The following NF1 variants were observed in gnomAD, a reference collection of about 807,000 sequenced individuals.
The protein encoded by NF1 is neurofibromin.
NF1 carries 122 observed loss-of-function variants against 325.7 expected under a neutral mutation model. The observed-to-expected ratio is 0.37, with a 90% CI of 0.32 to 0.44. The LOEUF (loss-of-function observed/expected upper bound fraction) is 0.44, where lower values mean the gene tolerates loss of function less well. NF1 is among the 20% of genes least tolerant of loss of function. NF1 has a pLI of 1.00. For missense variants in NF1, 2,140 were observed against 3,415.4 expected, an observed-to-expected ratio of 0.63 and a Z score of 9.31; for synonymous variants, 1,091 against 1,186.0, an observed-to-expected ratio of 0.92 and a Z score of 1.65.
In NF1 at chr17:31,374,110, A is replaced by C; in HGVS notation, c.8475A>C (p.Arg2825Ser). ...HGSASQVQKQ[R>S]SAGSFKRNSI... ...CCGCAAGCCAAGTGCAGAAGCAAAG[A>C]AGCGCTGGCAGTTTCAAACGTAATA... The change falls in exon 58 of 58, where the codon AGA (arginine) becomes AGC (serine). Residue 2825 changes from arginine (R) to serine (S), a missense_variant. By Grantham distance (110) the Arg-to-Ser change is moderately radical. Transcript: ENST00000358273. 6.2e-7 allele frequency: 1 copy of C among 1,614,104 alleles called. No individual in the cohort carries two copies.
intron 36 of NF1, chr17:31,314,331 T>G (rs956974465): frequency 1.4e-5 from 3 of 220,060 alleles, no homozygotes; most frequent in Non-Finnish European, 2.6e-5. Flanking sequence ...GAAAATTACA[T>G]GTTCTAAGAA....
intron 36 of NF1, among the ~76,000 whole-genome samples, chr17:31,283,974 CTT>C (rs1447006096): frequency 6.6e-6 from 1 of 152,210 alleles, no homozygotes; most frequent in African/African-American, 2.4e-5. Flanking sequence ...TAAAGCAAGT[CTT>C]TGCCTTGTAC....
chr17:31,364,229 C>T (rs760920182), intron 57 of NF1, among the ~76,000 whole-genome samples: 3 of 152,160 alleles, frequency 2.0e-5, no homozygotes, highest in African/African-American at 4.8e-5. Flanking sequence ...TGTCATTCCC[C>T]GATATGGAGC....
intron 40 of NF1, 68 bp downstream of exon 40, chr17:31,335,099 G>C: frequency 7.4e-7 from 1 of 1,343,248 alleles, no homozygotes; most frequent in Non-Finnish European, 1.1e-6. Context: ...TGCCACATTG[G>C]GCAAAGCACT....
chr17:31,116,691 G>A (rs890952364), intron 1 of NF1, among the ~76,000 whole-genome samples: 1 of 151,662 alleles, frequency 6.6e-6, no homozygotes, highest in Non-Finnish European at 1.5e-5. Flanking sequence ...TTTTCGAGAC[G>A]GAGTCTTGCC....
chr17:31,187,057 T>G (rs1168639852), intron 8 of NF1, among the ~76,000 whole-genome samples: 1 of 152,216 alleles, frequency 6.6e-6, no homozygotes, highest in Non-Finnish European at 1.5e-5. Context: ...TATGCAATGC[T>G]TCTGCCAAGA....
At chr17:31,212,019 T>C (rs1437436081) in intron 12 of NF1, among the ~76,000 whole-genome samples, 1 of 152,172 alleles carries the variant, frequency 6.6e-6, no homozygotes, top group Admixed American at 6.5e-5. Context: ...TTTTAAAATA[T>C]AAACTTTTAA....
intron 25 of NF1, among the ~76,000 whole-genome samples, chr17:31,232,431 C>T (rs2067128808): frequency 6.6e-6 from 1 of 151,992 alleles, no homozygotes; most frequent in South Asian, 2.1e-4. Flanking sequence ...ATTTTATATA[C>T]TAACATTAAA....
At chr17:31,282,631 T>G (rs539351075) in intron 36 of NF1, among the ~76,000 whole-genome samples, 10 of 152,312 alleles carry the variant, frequency 6.6e-5, no homozygotes, top group South Asian at 2.1e-4. Context: ...TGTGACTGCC[T>G]TCTTTTACTT....
intron 33 of NF1, 28 bp from the exon 34 acceptor site, chr17:31,260,341 A>C (rs1597746846): frequency 6.2e-7 from 1 of 1,612,120 alleles, no homozygotes; most frequent in South Asian, 1.1e-5. Flanking sequence ...CTGGTGTTGA[A>C]AATTCTAATG....
In NF1 at chr17:31,233,091, C is replaced by T. The variant is rs1555615039; in HGVS notation, c.3586C>T (p.Leu1196Phe). 1 of 1,614,048 alleles carries T rather than the reference C, an allele frequency of 6.2e-7. No homozygotes were observed. The highest frequency in any genetic ancestry group is 8.5e-7 in the Non-Finnish European group (1 of 1,180,032). Residue 1196 changes from leucine to phenylalanine, a missense_variant, in exon 27 of 58, where the codon CTT (leucine) becomes TTT (phenylalanine). Physicochemically the swap from Leu to Phe is conservative, Grantham distance 22 (BLOSUM62 0). Transcript: ENST00000358273. ...TCAACAAGGCACAGAATTTGACACA[C>T]TTGCAGAAACAGTATTGGCTGATCG... The part of the protein sequence containing the change: ...ILQQGTEFDT[L>F]AETVLADRFE...
chr17:31,299,142 G>A (rs1039244417), intron 36 of NF1, among the ~76,000 whole-genome samples: 3 of 151,874 alleles, frequency 2.0e-5, no homozygotes, highest in Non-Finnish European at 4.4e-5. Flanking sequence ...TTCTCAAAAA[G>A]AAAAAGGGAG....
chr17:31,333,517 A>G (rs962862899), intron 39 of NF1, among the ~76,000 whole-genome samples: 1 of 152,204 alleles, frequency 6.6e-6, no homozygotes, highest in Non-Finnish European at 1.5e-5. Flanking sequence ...AAACACTATT[A>G]TGACCTCTAT....
intron 36 of NF1, among the ~76,000 whole-genome samples, chr17:31,313,766 ATAAACT>A (rs1035613667): frequency 1.3e-5 from 2 of 151,204 alleles, no homozygotes; most frequent in South Asian, 2.1e-4. Flanking sequence ...GTGAGATTAA[ATAAACT>A]TAAAAGGTCT....
intron 57 of NF1, among the ~76,000 whole-genome samples, chr17:31,367,999 C>A (rs1398618355): frequency 6.6e-6 from 1 of 151,650 alleles, no homozygotes; most frequent in East Asian, 1.9e-4. Flanking sequence ...GCTATAAGGA[C>A]TAAGATGAAA....
intron 1 of NF1, among the ~76,000 whole-genome samples, chr17:31,124,947 A>G (rs1163068333): frequency 6.6e-6 from 1 of 151,362 alleles, no homozygotes; most frequent in Admixed American, 6.6e-5. Context: ...TTGTAAGATT[A>G]TGTGAATCAT....
chr17:31,150,407 G>A (rs544447592), intron 1 of NF1, among the ~76,000 whole-genome samples: 29 of 152,168 alleles, frequency 1.9e-4, no homozygotes, highest in Middle Eastern at 3.4e-3. Flanking sequence ...TTGTGTTTTT[G>A]TTCTGGTGGT....
At chr17:31,287,807 G>C (rs1036903775) in intron 36 of NF1, among the ~76,000 whole-genome samples, 3 of 151,834 alleles carry the variant, frequency 2.0e-5, no homozygotes, top group Non-Finnish European at 2.9e-5. Flanking sequence ...CCAGTGTGCT[G>C]GGATTACAGG....
chr17:31,265,305 G>A lies in NF1; in HGVS notation c.4801G>A (p.Ala1601Thr), dbSNP rs754651519. Residue 1601 changes from alanine to threonine, a missense_variant, in exon 36 of 58, where the codon GCT (alanine) becomes ACT (threonine). Ala to Thr is a moderately conservative substitution (Grantham distance 58). Transcript: ENST00000358273. ...SIFYQAGTSKAGNPIFYYVAR... is the reference protein window; with the variant it reads ...SIFYQAGTSKTGNPIFYYVAR... The stretch of plus-strand genomic sequence containing the variant: ...TTTCTACCAAGCTGGGACTTCCAAA[G>A]CTGGGAATCCTATTTTTTATTATGT... 2 of 1,613,204 alleles carry A rather than the reference G, an allele frequency of 1.2e-6. No homozygotes were observed. The highest frequency in any genetic ancestry group is 1.7e-6 in the Non-Finnish European group (2 of 1,179,432).
Sources: gnomAD v4.1 joint callset for allele counts (sites outside exome capture counted in the v4.1 genomes callset) on GRCh38, gnomAD v4.1.1 for gene constraint, MANE v1.5 for transcripts, NCBI Gene and HGNC (gene_info 2026-07-23, HGNC 2026-07-21) for gene names.